Variants in XIRP2 observed in about 807,000 individuals in gnomAD.
The protein encoded by XIRP2 is xin actin-binding repeat-containing protein 2.
Under a neutral mutation model 277.0 loss-of-function variants are expected in XIRP2, and 236 were observed. The ratio of observed to expected loss-of-function variants is 0.85; its 90% CI spans 0.77 to 0.95. The LOEUF (loss-of-function observed/expected upper bound fraction) is 0.95. Ranked by LOEUF, XIRP2 falls within the 40% of genes least tolerant of loss-of-function variation. The pLI, the probability that XIRP2 is intolerant of heterozygous loss-of-function variation, is 0.00. For synonymous variants in XIRP2, 1,490 were observed against 1,416.5 expected, an observed-to-expected ratio of 1.05 and a Z score of -1.17; for missense variants, 4,640 against 4,157.5, an observed-to-expected ratio of 1.12 and a Z score of -3.19.
chr2:167,234,321 TG>T (rs998719456), intron 5 of XIRP2, among the ~76,000 whole-genome samples: 4 of 151,340 alleles, frequency 2.6e-5, no homozygotes, highest in African/African-American at 9.7e-5. Context: ...GCATAATTCA[TG>T]CTTTGGTATA....
At chr2:167,103,049 G>A (rs557651589) in intron 2 of XIRP2, among the ~76,000 whole-genome samples, 1 of 152,240 alleles carries the variant, frequency 6.6e-6, no homozygotes, top group East Asian at 1.9e-4. Flanking sequence ...TGAGATGGGA[G>A]GATCACTTGA....
At chr2:167,032,631 C>G (rs919231283) in intron 2 of XIRP2, among the ~76,000 whole-genome samples, 1 of 151,966 alleles carries the variant, frequency 6.6e-6, no homozygotes, top group Non-Finnish European at 1.5e-5. Context: ...AAATTGTGGG[C>G]AAATGATATG....
chr2:167,078,513 G>C (rs1423649981), intron 2 of XIRP2, among the ~76,000 whole-genome samples: 1 of 151,790 alleles, frequency 6.6e-6, no homozygotes, highest in Non-Finnish European at 1.5e-5. Flanking sequence ...TATTAGGTTG[G>C]TGCAAAAGTA....
intron 2 of XIRP2, among the ~76,000 whole-genome samples, chr2:166,961,585 G>T (rs183655456): frequency 1.3e-5 from 2 of 151,760 alleles, no homozygotes; most frequent in Admixed American, 6.6e-5. Context: ...CAATAATCTT[G>T]ATCAAATATG....
At chr2:166,941,057 G>A (rs1685696144) in intron 2 of XIRP2, among the ~76,000 whole-genome samples, 1 of 152,160 alleles carries the variant, frequency 6.6e-6, no homozygotes, top group Non-Finnish European at 1.5e-5. Context: ...AGTCTACAGA[G>A]GCAGGCAGGC....
intron 2 of XIRP2, among the ~76,000 whole-genome samples, chr2:166,980,853 T>G (rs1035609231): frequency 3.3e-5 from 5 of 152,186 alleles, no homozygotes; most frequent in Non-Finnish European, 2.9e-5. Flanking sequence ...TAGGATTAAT[T>G]GAAAATTTTT....
chr2:167,193,347 C>A (rs780854719), intron 3 of XIRP2, among the ~76,000 whole-genome samples: 1 of 152,100 alleles, frequency 6.6e-6, no homozygotes, highest in Non-Finnish European at 1.5e-5. Context: ...ATGTTATTGC[C>A]ATTTCTTTCA....
At chr2:166,958,701 A>G (rs1157097271) in intron 2 of XIRP2, among the ~76,000 whole-genome samples, 1 of 151,782 alleles carries the variant, frequency 6.6e-6, no homozygotes, top group East Asian at 1.9e-4. Flanking sequence ...GCTTCTTGTT[A>G]TTATTATTAA....
chr2:167,112,776 T>C (rs1208143330), intron 2 of XIRP2, among the ~76,000 whole-genome samples: 3 of 151,914 alleles, frequency 2.0e-5, no homozygotes, highest in Non-Finnish European at 4.4e-5. Context: ...CTCAGCCTCC[T>C]GAGTAGCTGG....
intron 2 of XIRP2, among the ~76,000 whole-genome samples, chr2:166,961,496 T>C (rs1432374992): frequency 6.6e-6 from 1 of 151,856 alleles, no homozygotes; most frequent in Non-Finnish European, 1.5e-5. Flanking sequence ...ACAGCTAATA[T>C]ATTTGTTTAC....
At chr2:166,974,130 G>C (rs191541632) in intron 2 of XIRP2, among the ~76,000 whole-genome samples, 165 of 152,246 alleles carry the variant, frequency 1.1e-3, no homozygotes, top group Middle Eastern at 6.8e-3. Flanking sequence ...TGCTGATTGC[G>C]ATCTGTGTTT....
chr2:166,959,079 C>A (rs1346625274), intron 2 of XIRP2, among the ~76,000 whole-genome samples: 6 of 151,816 alleles, frequency 4.0e-5, no homozygotes, highest in Non-Finnish European at 8.8e-5. Flanking sequence ...AGCAGAGCAT[C>A]TCTGTGGTGA....
At position 167,247,948 on chromosome 2, in the gene XIRP2, A is replaced by C. The variant is rs1320374160; in HGVS notation, c.6556A>C (p.Thr2186Pro). Reference protein sequence around the residue: ...YDLSGDFQKQTLLKQETKYSN... With the variant: ...YDLSGDFQKQPLLKQETKYSN... The stretch of plus-strand genomic sequence containing the variant: ...CCTTTCAGGGGACTTTCAGAAGCAA[A>C]CTTTGTTAAAGCAAGAAACAAAATA... The change falls in exon 9 of 11, where the codon ACT becomes CCT. Residue 2186 changes from threonine to proline, a missense_variant. Physicochemically the swap from Thr to Pro is conservative, Grantham distance 38. Transcript: ENST00000409195. 6.2e-7 allele frequency: 1 copy of C among 1,609,306 alleles called. No individual in the cohort carries two copies. Among genetic ancestry groups the C allele is most frequent in the African/African-American group, 1.3e-5 (1 of 74,404 alleles).
At chr2:167,056,733 G>A (rs1689046683) in intron 2 of XIRP2, among the ~76,000 whole-genome samples, 1 of 152,102 alleles carries the variant, frequency 6.6e-6, no homozygotes, top group African/African-American at 2.4e-5. Context: ...AGATAATACA[G>A]GTATGATGAG....
At chr2:167,206,995 TC>T (rs1342908597) in intron 3 of XIRP2, among the ~76,000 whole-genome samples, 1 of 152,174 alleles carries the variant, frequency 6.6e-6, no homozygotes, top group Non-Finnish European at 1.5e-5. Context: ...TAGTTTTTTT[TC>T]AGGATCTGAC....
chr2:167,257,648 A>G (rs1483460565), intron 10 of XIRP2, among the ~76,000 whole-genome samples: 1 of 152,006 alleles, frequency 6.6e-6, no homozygotes, highest in Non-Finnish European at 1.5e-5. Context: ...TACCTGACAC[A>G]CATCATAAAA....
chr2:167,074,582 C>G (rs1204543336), intron 2 of XIRP2, among the ~76,000 whole-genome samples: 1 of 151,960 alleles, frequency 6.6e-6, no homozygotes, highest in Non-Finnish European at 1.5e-5. Context: ...TTGGACCAAG[C>G]ATCAGAAGTC....
rs1332826423 is a variant in XIRP2, at chr2:167,251,451, A to G, written c.10059A>G (p.Arg3353=). Reference sequence around the variant, plus strand: ...TTTCTGAAGCAAAGTCAAATAGAAGAGTTTATGCAAAGGGAGAAACAAACC... The same window carrying G: ...TTTCTGAAGCAAAGTCAAATAGAAGGGTTTATGCAAAGGGAGAAACAAACC... The part of the protein sequence containing the change: ...GPVSEAKSNR[R]VYAKGETNHN... Residue 3353 remains arginine (R), a synonymous_variant, in exon 9 of 11, where the codon AGA becomes AGG. Coordinates refer to ENST00000409195, the MANE Select transcript of XIRP2 (RefSeq NM_152381.6). 6.2e-7 allele frequency: 1 copy of G among 1,613,660 alleles called. No homozygotes were observed. Among genetic ancestry groups the G allele is most frequent in the Admixed American group, 1.7e-5 (1 of 59,976 alleles).
At chr2:166,961,365 G>A (rs1047765304) in intron 2 of XIRP2, among the ~76,000 whole-genome samples, 2 of 151,670 alleles carry the variant, frequency 1.3e-5, no homozygotes, top group African/African-American at 4.8e-5. Flanking sequence ...TTGATGTTCA[G>A]TACATTTCAG....
Sources: allele counts gnomAD v4.1 joint callset (sites outside exome capture counted in the v4.1 genomes callset), GRCh38; gene constraint gnomAD v4.1.1; transcripts MANE v1.5; gene names NCBI Gene and HGNC (gene_info 2026-07-23, HGNC 2026-07-21).